HMMR: variants seen among roughly 807,000 people sequenced by gnomAD.
HMMR encodes the protein hyaluronan mediated motility receptor, also known as intracellular hyaluronic acid-binding protein.
In HMMR, 108 loss-of-function variants were observed where a neutral mutation model predicts 101.0. That is an observed-to-expected ratio of 1.07 (90% CI 0.92 to 1.25). The LOEUF (loss-of-function observed/expected upper bound fraction) is 1.25, where lower values mean the gene tolerates loss of function less well. Ranked by LOEUF, HMMR falls within the 50% of genes most tolerant of loss-of-function variation. The pLI is 0.00. For missense variants in HMMR, 813 were observed against 788.7 expected (o/e 1.03, Z -0.37); for synonymous variants, 296 against 276.4 (o/e 1.07, Z -0.70).
chr5:163,481,464 C>T (rs1221292798), intron 12 of HMMR, among the ~76,000 whole-genome samples: 10 of 152,066 alleles, frequency 6.6e-5, no homozygotes, highest in Admixed American at 3.9e-4. Context: ...CAAACCAGAC[C>T]TTTCTTTACA....
At chr5:163,475,705 G>A in intron 11 of HMMR, 33 bp downstream of exon 11, 1 of 1,044,888 alleles carries the variant, frequency 9.6e-7, no homozygotes, top group Non-Finnish European at 1.4e-6. Flanking sequence ...GTTTATGTAT[G>A]ACTTCAGATG....
chr5:163,464,390 T>C (rs1303151603), intron 2 of HMMR, among the ~76,000 whole-genome samples: 2 of 152,176 alleles, frequency 1.3e-5, no homozygotes, highest in East Asian at 3.9e-4. Flanking sequence ...CCAAGGTGGG[T>C]GGATCACATG....
intron 1 of HMMR, among the ~76,000 whole-genome samples, chr5:163,460,986 A>G (rs1157729421): frequency 9.2e-5 from 14 of 152,212 alleles, no homozygotes; most frequent in Non-Finnish European, 2.1e-4. Flanking sequence ...AATACTGTCA[A>G]TAAACAGCGG....
intron 12 of HMMR, among the ~76,000 whole-genome samples, chr5:163,479,037 T>C (rs299292): frequency 0.39 from 59,584 of 152,066 alleles, 12,825 homozygotes; most frequent in African/African-American, 0.57. Context: ...AACTTTTATG[T>C]GCTGAGCCAG....
chr5:163,479,997 G>A (rs985468238), intron 12 of HMMR, among the ~76,000 whole-genome samples: 5 of 151,988 alleles, frequency 3.3e-5, no homozygotes, highest in African/African-American at 1.2e-4. Flanking sequence ...TCATTTTGGG[G>A]GAGAGTTTCC....
chr5:163,461,483 T>G lies in HMMR; in HGVS notation c.46+745T>G, dbSNP rs554797095. ...ACCAGGAAGCCTTAGCTGTGTTTGG[T>G]AGGCACTCATCATTTAAGATGCTGT... On this transcript the variant is annotated intron_variant, in intron 1 of 17. Transcript: ENST00000393915. Among the ~76,000 whole-genome samples, 4 of 152,202 alleles carry G rather than the reference T, an allele frequency of 2.6e-5. No homozygotes were observed. The South Asian group carries it at 8.3e-4, about 32-fold the overall frequency.
chr5:163,473,462 T>G lies in HMMR; in HGVS notation c.809T>G (p.Leu270Ter). 1 of 1,605,338 alleles carries G rather than the reference T, an allele frequency of 6.2e-7. No homozygotes were observed. Among genetic ancestry groups the G allele is most frequent in the South Asian group, 1.1e-5 (1 of 90,668 alleles). ...ENLKEKNDEI[L>*]SLKQSLEENI... is the part of the protein sequence containing the mutation. The stretch of plus-strand genomic sequence containing the variant: ...TTGAAAGAGAAGAATGATGAAATTT[T>G]AAGCCTTAAGCAGTCTCTTGAGGAG... Residue 270 changes from leucine to a stop codon, truncating the protein, a stop_gained, in exon 9 of 18, where the codon TTA becomes TGA. Coordinates refer to ENST00000393915, the MANE Select transcript of HMMR (RefSeq NM_001142556.2). LOFTEE classifies it high-confidence loss of function.
At chr5:163,479,781 C>A (rs1487001714) in intron 12 of HMMR, among the ~76,000 whole-genome samples, 1 of 152,172 alleles carries the variant, frequency 6.6e-6, no homozygotes, top group African/African-American at 2.4e-5. Flanking sequence ...AATTCTACTC[C>A]TTTTCAGTCC....
rs185550129 is a variant in HMMR at position 163,486,225 on chromosome 5, A to G, written c.1962+1980A>G. Among the ~76,000 whole-genome samples the G allele has an allele frequency of 4.2e-4, 64 of 152,340 alleles. 1 individual carries two copies. Among genetic ancestry groups the G allele is most frequent in the Admixed American group, 4.1e-3 (63 of 15,298 alleles). On this transcript the variant is annotated intron_variant, in intron 16 of 17. Transcript: ENST00000393915. Reference sequence around the variant, plus strand: ...TTGAATCTGTAGATCAGTTTGGGACATATTATTATCTTCACTAGGTTAAGT... The same window carrying G: ...TTGAATCTGTAGATCAGTTTGGGACGTATTATTATCTTCACTAGGTTAAGT...
intron 11 of HMMR, among the ~76,000 whole-genome samples, chr5:163,477,734 T>A (rs1759116561): frequency 6.6e-6 from 1 of 152,196 alleles, no homozygotes; most frequent in South Asian, 2.1e-4. Flanking sequence ...TTCTTTGATC[T>A]TCTACTTCAT....
intron 17 of HMMR, among the ~76,000 whole-genome samples, 175 bp from the exon 18 acceptor site, chr5:163,490,937 G>A (rs1289661888): frequency 6.6e-6 from 1 of 152,124 alleles, no homozygotes; most frequent in Non-Finnish European, 1.5e-5. Context: ...GACTGTGAAT[G>A]TTTGTCTTTC....
rs138199915 is a variant in HMMR, at chr5:163,469,905, C to T, written c.462+76C>T. The T allele has an allele frequency of 9.9e-5, 99 of 995,064 alleles. No individual in the cohort carries two copies. The African/African-American group carries it at 1.2e-3, about 12-fold the overall frequency. The allele number at this position is 995,064 out of a possible 1,614,324, so 61.6% of individuals were successfully genotyped here. A position where few individuals can be genotyped will look rare whatever the true frequency, so the allele number is the denominator to read the frequency against. ...TTTTAGGGCCGGGCACGGTGGCTCA[C>T]GCCTGTGTTCCCAGCATTTTGGGAG... is the stretch of plus-strand genomic sequence containing the variant. On this transcript the variant is annotated intron_variant, in intron 5 of 17. Coordinates refer to ENST00000393915, the MANE Select transcript of HMMR (RefSeq NM_001142556.2).
rs893542695 is a variant in HMMR at position 163,491,731 on chromosome 5, A to G, written c.*567A>G. 7.2e-5 allele frequency: 11 copies of G among 152,176 alleles called. No homozygotes were observed. The highest frequency in any genetic ancestry group is 6.5e-4 in the Admixed American group (10 of 15,276). 9.4% of individuals were successfully genotyped at this position (152,176 alleles called of 1,614,324 possible). A position where few individuals can be genotyped will look rare whatever the true frequency, so the allele number is the denominator to read the frequency against. ...GGTTCTTAGGCTCCATCCTGTTTGT[A>G]TGAAATTATAATCTGTGGATTGGCC... On this transcript the variant is annotated 3_prime_UTR_variant, in exon 18 of 18. Transcript: ENST00000393915.
Position 163,463,892 on chromosome 5 carries a change from CT to C in HMMR, c.86del (p.Leu29Ter). On this transcript the variant is annotated frameshift_variant, in exon 2 of 18. Transcript: ENST00000393915. LOFTEE classifies it high-confidence loss of function. ...APSPGAYDVK[T>X]LEVLKGPVSF... The stretch of plus-strand genomic sequence containing the variant: ...TCTCCAGGTGCTTATGATGTTAAAA[CT>C]TTAGAAGTATTGAAAGGACCAGTAT... 1 of 1,495,268 alleles carries C rather than the reference CT, an allele frequency of 6.7e-7. No individual in the cohort carries two copies. Among genetic ancestry groups the C allele is most frequent in the Non-Finnish European group, 8.9e-7 (1 of 1,120,680 alleles). The allele number at this position is 1,495,268 out of a possible 1,614,324, so 92.6% of individuals were successfully genotyped here.
intron 15 of HMMR, among the ~76,000 whole-genome samples, 187 bp from the exon 16 acceptor site, chr5:163,483,882 G>A (rs571586737): frequency 6.6e-6 from 1 of 152,126 alleles, no homozygotes; most frequent in South Asian, 2.1e-4. Context: ...CTGTTTTAAT[G>A]ATCTTTAAAA....
rs1759316221 is a variant in HMMR at position 163,482,739 on chromosome 5, G to A, written c.1483G>A (p.Val495Ile). The A allele has an allele frequency of 6.2e-7, 1 of 1,613,738 alleles. No homozygotes were observed. The highest frequency in any genetic ancestry group is 1.1e-5 in the South Asian group (1 of 91,072). Residue 495 changes from valine to isoleucine, a missense_variant, in exon 13 of 18, where the codon GTT (valine) becomes ATT (isoleucine). Val to Ile is a conservative substitution (Grantham distance 29). Coordinates refer to ENST00000393915, the MANE Select transcript of HMMR (RefSeq NM_001142556.2). Reference sequence around the variant, plus strand: ...CAAGGCTGGGAAAAATGCAGAGGATGTTCAGCATCAGATTTTGGCAACTGA... The same window carrying A: ...CAAGGCTGGGAAAAATGCAGAGGATATTCAGCATCAGATTTTGGCAACTGA... ...AAKAGKNAEDVQHQILATESS... is the reference protein window; with the variant it reads ...AAKAGKNAEDIQHQILATESS...
chr5:163,482,941 A>G, intron 13 of HMMR, 79 bp from the exon 14 acceptor site: 1 of 1,375,034 alleles, frequency 7.3e-7, no homozygotes, highest in Non-Finnish European at 9.9e-7. Flanking sequence ...GAGTTCCTTG[A>G]GGTTTAAAGA....
intron 1 of HMMR, 75 bp from the exon 2 acceptor site, chr5:163,463,781 C>A: frequency 1.7e-6 from 1 of 579,182 alleles, no homozygotes; most frequent in Non-Finnish European, 2.8e-6. Context: ...TTTATATTCA[C>A]TTTATTATGA....
Position 163,471,353 on chromosome 5 carries a change from T to A in HMMR, c.550-10T>A. ...TCTCATTTCCTAAAACAGGTATCTT[T>A]GTTGTGTAGGGTATGATGGCTAAGC... On this transcript the variant is annotated splice_polypyrimidine_tract_variant and intron_variant, in intron 6 of 17. Transcript: ENST00000393915. 6.2e-7 allele frequency: 1 copy of A among 1,613,462 alleles called. No individual in the cohort carries two copies. Among genetic ancestry groups the A allele is most frequent in the African/African-American group, 1.3e-5 (1 of 74,998 alleles).
Sources: gnomAD v4.1 joint callset for allele counts (sites outside exome capture counted in the v4.1 genomes callset) on GRCh38, gnomAD v4.1.1 for gene constraint, MANE v1.5 for transcripts, NCBI Gene and HGNC (gene_info 2026-07-23, HGNC 2026-07-21) for gene names.